PLCE1: variants seen among roughly 807,000 people sequenced by gnomAD.
The protein encoded by PLCE1 is phospholipase C epsilon 1.
In PLCE1, 119 loss-of-function variants were observed where a neutral mutation model predicts 242.8. That is an observed-to-expected ratio of 0.49 (90% confidence interval 0.42 to 0.57). The LOEUF is 0.57. Among genes scored for constraint, PLCE1 ranks in the 20% least tolerant of loss-of-function variants. The pLI is 0.00. For missense variants in PLCE1, 2,441 were observed against 2,788.8 expected (o/e 0.88, Z 2.81); for synonymous variants, 945 against 1,017.4 (o/e 0.93, Z 1.35).
Position 94,047,870 on chromosome 10 carries a change from C to T in PLCE1, c.1206+15618C>T, listed in dbSNP as rs2043639182. ...GTCATTCCCTTACTTTCCTTTTATA[C>T]AGTGTTATTGCATCTACATGTATTC... On this transcript the variant is annotated intron_variant, in intron 2 of 32. Transcript: ENST00000371380. Among the ~76,000 whole-genome samples, 5 of 152,192 alleles carry T rather than the reference C, an allele frequency of 3.3e-5. 1 individual carries two copies. The highest frequency in any genetic ancestry group is 1.2e-4 in the African/African-American group (5 of 41,548).
chr10:94,012,702 G>T (rs1487760470), intron 1 of PLCE1, among the ~76,000 whole-genome samples: 1 of 151,984 alleles, frequency 6.6e-6, no homozygotes, highest in Non-Finnish European at 1.5e-5. Context: ...TACATCTTCT[G>T]GTCCCCTTCC....
At chr10:94,287,146 T>G (rs2133370038) in intron 22 of PLCE1, 1 of 152,352 alleles carries the variant, frequency 6.6e-6, no homozygotes. Flanking sequence ...TTTTAAAAAT[T>G]CCAAGTATGT....
chr10:94,294,899 C>T (rs1238978652), intron 23 of PLCE1, among the ~76,000 whole-genome samples: 2 of 148,164 alleles, frequency 1.3e-5, no homozygotes, highest in Non-Finnish European at 3.0e-5. Context: ...GCATTTTACT[C>T]ATGATAGAAC....
chr10:94,259,272 A>T lies in PLCE1; in HGVS notation c.3814+122A>T, dbSNP rs75473620. ...GTGTGCTATTACTGCTGTGTAGGGA[A>T]AGACTTAAGAGAATTTTTTTTTTTT... On this transcript the variant is annotated intron_variant, in intron 13 of 32. Transcript: ENST00000371380. The T allele has an allele frequency of 0.026, 26,634 of 1,023,956 alleles. 508 individuals are homozygous for T. Among genetic ancestry groups the T allele is most frequent in the Non-Finnish European group, 0.034 (22,385 of 652,176 alleles). The allele number at this position is 1,023,956 out of a possible 1,614,324, so 63.4% of individuals were successfully genotyped here.
rs184938138 is a variant in PLCE1, at chr10:94,146,769, G to T, written c.1492+14310G>T. On this transcript the variant is annotated intron_variant, in intron 3 of 32. Coordinates refer to ENST00000371380, the MANE Select transcript of PLCE1 (RefSeq NM_016341.4). Reference sequence around the variant, plus strand: ...TGGGGCTTTATCTGTGCTTTCCTTTGTTCTTTTCTCAAATGTCTTAATGCC... The same window carrying T: ...TGGGGCTTTATCTGTGCTTTCCTTTTTTCTTTTCTCAAATGTCTTAATGCC... Among the ~76,000 whole-genome samples the T allele has an allele frequency of 2.7e-3, 418 of 152,300 alleles. 3 individuals are homozygous for T. Among genetic ancestry groups the T allele is most frequent in the Admixed American group, 2.9e-3 (45 of 15,294 alleles).
At chr10:94,125,439 C>T (rs1477585320) in intron 2 of PLCE1, among the ~76,000 whole-genome samples, 1 of 151,960 alleles carries the variant, frequency 6.6e-6, no homozygotes, top group East Asian at 1.9e-4. Context: ...GTTCCCCAGG[C>T]TGGAGTGCAG....
chr10:94,316,524 G>C (rs754026708), intron 28 of PLCE1, 23 bp from the exon 29 acceptor site: 5 of 1,542,396 alleles, frequency 3.2e-6, no homozygotes, highest in Non-Finnish European at 4.5e-6. Context: ...TCACTCCTCA[G>C]TTTGCCTTCA....
chr10:94,250,594 T>A (rs1796068024), intron 8 of PLCE1, among the ~76,000 whole-genome samples: 1 of 152,236 alleles, frequency 6.6e-6, no homozygotes, highest in South Asian at 2.1e-4. Flanking sequence ...AAACTACATT[T>A]TACTTCCCAG....
intron 16 of PLCE1, among the ~76,000 whole-genome samples, chr10:94,268,077 C>T (rs2051579978): frequency 6.6e-6 from 1 of 152,144 alleles, no homozygotes; most frequent in Non-Finnish European, 1.5e-5. Flanking sequence ...AGATGATGTA[C>T]AGATCTATGG....
At chr10:94,311,341 C>T (rs143467517) in intron 27 of PLCE1, among the ~76,000 whole-genome samples, 19 of 152,314 alleles carry the variant, frequency 1.2e-4, no homozygotes, top group African/African-American at 4.6e-4. Flanking sequence ...CTTTCTCAGC[C>T]ACCAATCATC....
intron 29 of PLCE1, among the ~76,000 whole-genome samples, chr10:94,317,039 T>TC (rs1326636968): frequency 6.6e-6 from 1 of 152,132 alleles, no homozygotes; most frequent in African/African-American, 2.4e-5. Context: ...TCACTTGAGG[T>TC]CAGGAGTTCA....
chr10:94,312,092 G>A (rs531328396), intron 27 of PLCE1, among the ~76,000 whole-genome samples: 20 of 152,080 alleles, frequency 1.3e-4, no homozygotes, highest in Admixed American at 1.1e-3. Context: ...TGTAAATGTT[G>A]GCAACTATTT....
Position 94,171,525 on chromosome 10 carries a change from A to G in PLCE1, c.1809+29A>G, listed in dbSNP as rs773652422. On this transcript the variant is annotated intron_variant, in intron 4 of 32. Coordinates refer to ENST00000371380, the MANE Select transcript of PLCE1 (RefSeq NM_016341.4). ...AGAAGCCACTTTTTGATGTCTTGGT[A>G]TTTGACTCACCCGTAAGTGATTTTC... is the stretch of plus-strand genomic sequence containing the variant. 32 of 1,553,806 alleles carry G rather than the reference A, an allele frequency of 2.1e-5. 1 individual carries two copies. Among genetic ancestry groups the G allele is most frequent in the South Asian group, 1.1e-5 (1 of 89,910 alleles).
chr10:94,310,210 C>T (rs543253079), intron 27 of PLCE1, among the ~76,000 whole-genome samples: 31 of 152,322 alleles, frequency 2.0e-4, no homozygotes, highest in African/African-American at 6.3e-4. Context: ...GCACCTTCTG[C>T]GCTCACAATG....
chr10:94,115,364 A>T (rs1221339230), intron 2 of PLCE1, among the ~76,000 whole-genome samples: 1 of 152,178 alleles, frequency 6.6e-6, no homozygotes, highest in Non-Finnish European at 1.5e-5. Flanking sequence ...CAATGGTTGA[A>T]CCAGTTTACA....
At chr10:94,188,685 G>T (rs1372715160) in intron 4 of PLCE1, among the ~76,000 whole-genome samples, 2 of 152,100 alleles carry the variant, frequency 1.3e-5, no homozygotes, top group African/African-American at 2.4e-5. Context: ...GGCTCACTGC[G>T]ACCTCCACCT....
chr10:94,225,368 A>C (rs1351572165), intron 4 of PLCE1: 1 of 152,258 alleles, frequency 6.6e-6, no homozygotes. Flanking sequence ...ACCCAGAGCC[A>C]AGTCTGAAAA....
intron 1 of PLCE1, among the ~76,000 whole-genome samples, chr10:94,002,251 C>A (rs919531365): frequency 6.6e-6 from 1 of 152,206 alleles, no homozygotes; most frequent in African/African-American, 2.4e-5. Flanking sequence ...AGACATCAGG[C>A]AACCTTGCAT....
intron 13 of PLCE1, among the ~76,000 whole-genome samples, chr10:94,261,197 A>C (rs2051285201): frequency 6.6e-6 from 1 of 151,894 alleles, no homozygotes; most frequent in African/African-American, 2.4e-5. Context: ...TCTTTTTATT[A>C]TCTCCATAGT....
Sources: allele counts gnomAD v4.1 joint callset (sites outside exome capture counted in the v4.1 genomes callset), GRCh38; gene constraint gnomAD v4.1.1; transcripts MANE v1.5; gene names NCBI Gene and HGNC (gene_info 2026-07-23, HGNC 2026-07-21).